Variants in NTRK2 observed in about 807,000 individuals in gnomAD.
The protein encoded by NTRK2 is neurotrophic receptor tyrosine kinase 2, also known as BDNF/NT-3 growth factors receptor.
NTRK2 carries 13 observed loss-of-function variants against 94.5 expected under a neutral mutation model. That is an observed-to-expected ratio of 0.14 (90% CI 0.09 to 0.22). The LOEUF (loss-of-function observed/expected upper bound fraction) is 0.22. Among genes scored for constraint, NTRK2 ranks in the 10% least tolerant of loss-of-function variants. The pLI is 1.00. For missense variants in NTRK2, 639 were observed against 1,071.2 expected, an observed-to-expected ratio of 0.60 and a Z score of 5.63; for synonymous variants, 372 against 407.4, an observed-to-expected ratio of 0.91 and a Z score of 1.05.
At chr9:84,984,565 A>C (rs940571232) in intron 17 of NTRK2, among the ~76,000 whole-genome samples, 5 of 152,190 alleles carry the variant, frequency 3.3e-5, no homozygotes, top group Non-Finnish European at 7.3e-5. Flanking sequence ...TGGAGGTGGA[A>C]CCCTAGAATT....
In NTRK2 at chr9:84,871,661, T is replaced by C. The variant is rs572079186; in HGVS notation, c.1633+4230T>C. The stretch of plus-strand genomic sequence containing the variant: ...TATATCCCTTGAAGTATGTTTTCAC[T>C]ATCTGGAGTGATATGAGGGTTTCAT... On this transcript the variant is annotated intron_variant, in intron 14 of 18. Transcript: ENST00000277120. The C allele has an allele frequency of 3.2e-5, 26 of 811,366 alleles. No homozygotes were observed. In the South Asian group the frequency reaches 3.5e-4, roughly 11 times the overall value. 50.3% of individuals were successfully genotyped at this position (811,366 alleles called of 1,614,324 possible).
intron 12 of NTRK2, among the ~76,000 whole-genome samples, chr9:84,789,647 C>G (rs548044537): frequency 2.6e-5 from 4 of 152,198 alleles, no homozygotes; most frequent in African/African-American, 9.6e-5. Context: ...TCCAGAAGAA[C>G]TGGATTTTCC....
At chr9:84,904,962 A>AT (rs1030651159) in intron 14 of NTRK2, among the ~76,000 whole-genome samples, 9 of 152,204 alleles carry the variant, frequency 5.9e-5, no homozygotes, top group African/African-American at 2.2e-4. Flanking sequence ...ATCATTAAAG[A>AT]TTTTTTTTCC....
intron 12 of NTRK2, among the ~76,000 whole-genome samples, chr9:84,816,295 C>A (rs2072390006): frequency 1.3e-5 from 2 of 152,030 alleles, no homozygotes; most frequent in Admixed American, 1.3e-4. Context: ...TGGTTCCTGC[C>A]CCATTTTTCC....
chr9:84,884,941 T>C (rs1394017332), intron 14 of NTRK2, among the ~76,000 whole-genome samples: 1 of 152,142 alleles, frequency 6.6e-6, no homozygotes, highest in East Asian at 1.9e-4. Context: ...CTTTTCACAA[T>C]ATTAAACATA....
intron 12 of NTRK2, among the ~76,000 whole-genome samples, chr9:84,786,980 A>G (rs1397321517): frequency 6.6e-6 from 1 of 152,032 alleles, no homozygotes; most frequent in African/African-American, 2.4e-5. Flanking sequence ...AAATGGTGCT[A>G]TCAAAGACAA....
At position 84,797,657 on chromosome 9, in the gene NTRK2, A is replaced by AC. The variant is rs1564297661; in HGVS notation, c.1396+45572_1396+45573insC. 2.1e-3 allele frequency among the ~76,000 whole-genome samples: 85 copies of AC among 40,428 alleles called. 6 individuals carry two copies. The East Asian group carries it at 0.025, about 12-fold the overall frequency. 26.5% of individuals were successfully genotyped at this position (40,428 alleles called of 152,430 possible). On this transcript the variant is annotated intron_variant, in intron 12 of 18. Coordinates refer to ENST00000277120, the MANE Select transcript of NTRK2 (RefSeq NM_006180.6). ...TATTATATATACTATAATAATATATATATTATATATTATATATTATATATA... is the reference window on the plus strand; with the variant it reads ...TATTATATATACTATAATAATATATACTATTATATATTATATATTATATATA...
At chr9:84,946,835 A>G (rs951540208) in intron 15 of NTRK2, among the ~76,000 whole-genome samples, 10 of 152,112 alleles carry the variant, frequency 6.6e-5, no homozygotes, top group African/African-American at 2.2e-4. Flanking sequence ...TTTTCTTGTC[A>G]TTTTCAGCTT....
intron 2 of NTRK2, among the ~76,000 whole-genome samples, chr9:84,692,345 CAGA>C (rs1287007884): frequency 2.0e-5 from 3 of 152,152 alleles, no homozygotes; most frequent in Non-Finnish European, 2.9e-5. Context: ...TTTTTAACAA[CAGA>C]AGAAGTTTGC....
intron 12 of NTRK2, among the ~76,000 whole-genome samples, chr9:84,774,376 G>T (rs1009373260): frequency 1.3e-5 from 2 of 152,176 alleles, no homozygotes; most frequent in African/African-American, 2.4e-5. Flanking sequence ...ATGGAGAGGG[G>T]TCTCCATGTC....
intron 16 of NTRK2, among the ~76,000 whole-genome samples, chr9:84,949,423 T>C (rs890016584): frequency 2.6e-5 from 4 of 151,680 alleles, no homozygotes; most frequent in Non-Finnish European, 4.4e-5. Context: ...TTTGAATTTC[T>C]AGCATTGGCC....
chr9:84,927,815 A>G (rs1280081684), intron 14 of NTRK2, among the ~76,000 whole-genome samples: 1 of 152,280 alleles, frequency 6.6e-6, no homozygotes, highest in Non-Finnish European at 1.5e-5. Flanking sequence ...CCATAATAAC[A>G]ATCAGCACAG....
chr9:84,678,913 G>A (rs1369226266), intron 2 of NTRK2, among the ~76,000 whole-genome samples: 1 of 152,186 alleles, frequency 6.6e-6, no homozygotes, highest in Non-Finnish European at 1.5e-5. Flanking sequence ...TTTGTATTCT[G>A]CCAAAATTCA....
At chr9:84,967,511 C>T (rs949022398) in intron 17 of NTRK2, among the ~76,000 whole-genome samples, 12 of 152,340 alleles carry the variant, frequency 7.9e-5, no homozygotes, top group South Asian at 6.2e-4. Flanking sequence ...TTTTAGAATC[C>T]GAACACTGAA....
intron 15 of NTRK2, among the ~76,000 whole-genome samples, chr9:84,936,966 G>T (rs1224111112): frequency 6.6e-6 from 1 of 152,124 alleles, no homozygotes; most frequent in Non-Finnish European, 1.5e-5. Context: ...CTGCAGCCAC[G>T]TAAGGGACTA....
At chr9:84,681,003 C>T (rs1300470535) in intron 2 of NTRK2, among the ~76,000 whole-genome samples, 1 of 152,160 alleles carries the variant, frequency 6.6e-6, no homozygotes, top group Admixed American at 6.6e-5. Context: ...TCCCTTTTCT[C>T]TGCTCTTAAA....
intron 17 of NTRK2, among the ~76,000 whole-genome samples, chr9:84,980,842 T>G (rs1445990864): frequency 6.6e-6 from 1 of 152,052 alleles, no homozygotes; most frequent in African/African-American, 2.4e-5. Context: ...AAAATAGGAG[T>G]AAATGCATAA....
At chr9:84,854,824 G>A (rs2074979781) in intron 12 of NTRK2, among the ~76,000 whole-genome samples, 1 of 152,028 alleles carries the variant, frequency 6.6e-6, no homozygotes, top group Non-Finnish European at 1.5e-5. Flanking sequence ...GCATGTGCCT[G>A]TAATCCCAGC....
At chr9:84,745,152 A>G (rs531583729) in intron 11 of NTRK2, 79 bp downstream of exon 11, 7 of 936,938 alleles carry the variant, frequency 7.5e-6, no homozygotes, top group South Asian at 2.6e-5. Flanking sequence ...AGCTGCTTCA[A>G]TAAGACACTT....
Sources: allele counts gnomAD v4.1 joint callset (sites outside exome capture counted in the v4.1 genomes callset), GRCh38; gene constraint gnomAD v4.1.1; transcripts MANE v1.5; gene names NCBI Gene and HGNC (gene_info 2026-07-23, HGNC 2026-07-21).